NCKAP5: variants seen among roughly 807,000 people sequenced by gnomAD.
The protein encoded by NCKAP5 is NCK associated protein 5, also known as nck-associated protein 5.
A neutral mutation model predicts 167.0 loss-of-function variants in NCKAP5; 92 were observed. That is an observed-to-expected ratio of 0.55 (90% confidence interval 0.47 to 0.66). NCKAP5 has a LOEUF of 0.66. Ranked by LOEUF, NCKAP5 falls within the 30% of genes least tolerant of loss-of-function variation. NCKAP5 has a pLI of 0.00. For missense variants in NCKAP5, 2,378 were observed against 2,315.0 expected, an observed-to-expected ratio of 1.03 and a Z score of -0.56; for synonymous variants, 891 against 877.4, an observed-to-expected ratio of 1.02 and a Z score of -0.27.
intron 4 of NCKAP5, among the ~76,000 whole-genome samples, chr2:133,229,252 A>G (rs2087032153): frequency 6.6e-6 from 1 of 152,250 alleles, no homozygotes; most frequent in African/African-American, 2.4e-5. Flanking sequence ...TTTATACATA[A>G]ATAAATCTAA....
the NCKAP5 span, among the ~76,000 whole-genome samples, chr2:133,661,697 C>G: frequency 6.6e-6 from 1 of 152,152 alleles, no homozygotes; most frequent in Non-Finnish European, 1.5e-5. Context: ...ACCTGTATGG[C>G]CTTGGCAGCT....
intron 4 of NCKAP5, among the ~76,000 whole-genome samples, chr2:133,285,020 AC>A (rs1465961898): frequency 2.0e-5 from 3 of 152,186 alleles, no homozygotes; most frequent in African/African-American, 4.8e-5. Context: ...ATAAGATCTC[AC>A]CAGCCCAGGA....
intron 2 of NCKAP5, among the ~76,000 whole-genome samples, chr2:133,524,703 T>C (rs1684726951): frequency 6.6e-6 from 1 of 152,206 alleles, no homozygotes; most frequent in South Asian, 2.1e-4. Flanking sequence ...CCTCTTTGTA[T>C]TGAAATCTTT....
At chr2:133,435,301 G>A (rs1268715637) in intron 3 of NCKAP5, among the ~76,000 whole-genome samples, 1 of 152,162 alleles carries the variant, frequency 6.6e-6, no homozygotes, top group Non-Finnish European at 1.5e-5. Context: ...TTCTTATCCT[G>A]GAAAATCCCA....
At chr2:132,935,210 T>A (rs7578051) in intron 8 of NCKAP5, among the ~76,000 whole-genome samples, 1 of 152,170 alleles carries the variant, frequency 6.6e-6, no homozygotes, top group African/African-American at 2.4e-5. Flanking sequence ...ATTGGATTGA[T>A]GACAGCCATT....
intron 3 of NCKAP5, among the ~76,000 whole-genome samples, chr2:133,401,004 GT>G: frequency 6.6e-6 from 1 of 152,224 alleles, no homozygotes; most frequent in East Asian, 1.9e-4. Context: ...GTGACTCTTT[GT>G]GGGACCCTAG....
At chr2:133,457,461 A>C (rs1691933121) in intron 3 of NCKAP5, among the ~76,000 whole-genome samples, 2 of 152,186 alleles carry the variant, frequency 1.3e-5, no homozygotes, top group South Asian at 4.1e-4. Context: ...ACAGAATGGC[A>C]ATGCAGCCTT....
At chr2:132,896,212 T>C (rs1318744783) in intron 8 of NCKAP5, among the ~76,000 whole-genome samples, 2 of 152,218 alleles carry the variant, frequency 1.3e-5, no homozygotes, top group Non-Finnish European at 2.9e-5. Context: ...AACTTTCAAT[T>C]GTTTTGTCAT....
chr2:132,866,463 T>C (rs1303774260), intron 10 of NCKAP5, among the ~76,000 whole-genome samples: 2 of 152,310 alleles, frequency 1.3e-5, no homozygotes, highest in East Asian at 3.9e-4. Context: ...TCTAAAGGGG[T>C]ACAGTCCATT....
chr2:133,378,193 A>G (rs907575792), intron 3 of NCKAP5, among the ~76,000 whole-genome samples: 1 of 152,206 alleles, frequency 6.6e-6, no homozygotes, highest in African/African-American at 2.4e-5. Context: ...AGTAAATGAT[A>G]GTACAGATCT....
intron 4 of NCKAP5, among the ~76,000 whole-genome samples, chr2:133,265,951 G>C (rs1007847061): frequency 6.6e-6 from 1 of 152,194 alleles, no homozygotes; most frequent in Non-Finnish European, 1.5e-5. Flanking sequence ...CCCTCTGCTT[G>C]GGAGGACCAC....
intron 16 of NCKAP5, among the ~76,000 whole-genome samples, chr2:132,766,561 AT>A (rs1197877883): frequency 6.6e-6 from 1 of 152,176 alleles, no homozygotes; most frequent in Non-Finnish European, 1.5e-5. Flanking sequence ...AGATGGTTGG[AT>A]CCACATATGG....
intron 3 of NCKAP5, among the ~76,000 whole-genome samples, chr2:133,480,521 C>T (rs1179771371): frequency 3.3e-5 from 5 of 152,020 alleles, no homozygotes; most frequent in African/African-American, 4.8e-5. Context: ...GCCTCCTGTA[C>T]GAGGTCACAC....
At chr2:133,187,937 T>C (rs1483426786) in intron 5 of NCKAP5, among the ~76,000 whole-genome samples, 1 of 152,084 alleles carries the variant, frequency 6.6e-6, no homozygotes, top group African/African-American at 2.4e-5. Flanking sequence ...AATTTGCCAG[T>C]CTGTGTCTTT....
intron 8 of NCKAP5, among the ~76,000 whole-genome samples, chr2:132,933,444 A>G (rs1170090297): frequency 1.3e-5 from 2 of 152,328 alleles, no homozygotes; most frequent in Middle Eastern, 3.4e-3. Flanking sequence ...AAATATATCT[A>G]TTAGTTTGCT....
chr2:133,482,750 G>A (rs1440093505), intron 3 of NCKAP5, among the ~76,000 whole-genome samples: 2 of 151,996 alleles, frequency 1.3e-5, no homozygotes, highest in Non-Finnish European at 2.9e-5. Context: ...ACTAGTTTGT[G>A]TTCCCACCAA....
intron 6 of NCKAP5, among the ~76,000 whole-genome samples, chr2:133,049,258 C>T (rs2079516529): frequency 6.6e-6 from 1 of 152,094 alleles, no homozygotes; most frequent in South Asian, 2.1e-4. Context: ...AATGTGAGCA[C>T]AGGCTGCCTG....
chr2:133,433,265 G>A (rs1690270285), intron 3 of NCKAP5, among the ~76,000 whole-genome samples: 1 of 152,188 alleles, frequency 6.6e-6, no homozygotes, highest in Admixed American at 6.5e-5. Flanking sequence ...ACCAAGGAAT[G>A]ATTTGATGTG....
At chr2:133,431,051 C>T (rs1690130742) in intron 3 of NCKAP5, among the ~76,000 whole-genome samples, 1 of 151,980 alleles carries the variant, frequency 6.6e-6, no homozygotes, top group African/African-American at 2.4e-5. Flanking sequence ...TCTAGCTACA[C>T]AATGTTTTCA....
Sources: gnomAD v4.1 joint callset for allele counts (sites outside exome capture counted in the v4.1 genomes callset) on GRCh38, gnomAD v4.1.1 for gene constraint, MANE v1.5 for transcripts, NCBI Gene and HGNC (gene_info 2026-07-23, HGNC 2026-07-21) for gene names.